The following ACAP2 variants were observed in gnomAD, a reference collection of about 807,000 sequenced individuals.
The protein encoded by ACAP2 is arf-GAP with coiled-coil, ANK repeat and PH domain-containing protein 2.
ACAP2 carries 39 observed loss-of-function variants against 115.8 expected under a neutral mutation model. The observed-to-expected ratio is 0.34, with a 90% CI of 0.26 to 0.44. The LOEUF (loss-of-function observed/expected upper bound fraction) is 0.44, where lower values mean the gene tolerates loss of function less well. Ranked by LOEUF, ACAP2 falls within the 20% of genes least tolerant of loss-of-function variation. ACAP2 has a pLI of 1.00. For synonymous variants in ACAP2, 289 were observed against 315.8 expected (o/e 0.92, Z 0.90); for missense variants, 662 against 927.6 (o/e 0.71, Z 3.72).
chr3:195,381,783 C>T (rs752352176), intron 3 of ACAP2, 120 bp downstream of exon 3: 7 of 1,227,180 alleles, frequency 5.7e-6, no homozygotes, highest in Non-Finnish European at 7.9e-6. Flanking sequence ...GGGGTGACCA[C>T]TTTTCTACTT....
intron 15 of ACAP2, 33 bp downstream of exon 15, chr3:195,301,540 AAT>A (rs750343971): frequency 1.1e-5 from 16 of 1,455,414 alleles, no homozygotes; most frequent in Non-Finnish European, 2.9e-6. Context: ...TTCATGTGAA[AAT>A]ATGAAATATT....
chr3:195,373,964 A>C (rs1277361036), intron 4 of ACAP2, among the ~76,000 whole-genome samples: 1 of 152,204 alleles, frequency 6.6e-6, no homozygotes, highest in African/African-American at 2.4e-5. Context: ...AGAATGTGGA[A>C]ACATGAGGCT....
At chr3:195,372,901 C>G (rs78302312) in intron 4 of ACAP2, among the ~76,000 whole-genome samples, 1 of 146,328 alleles carries the variant, frequency 6.8e-6, no homozygotes, top group Non-Finnish European at 1.5e-5. Flanking sequence ...TAATAATAAA[C>G]AGCATGAACC....
chr3:195,351,240 C>A (rs1030340873), intron 4 of ACAP2, among the ~76,000 whole-genome samples: 7 of 151,624 alleles, frequency 4.6e-5, no homozygotes, highest in Non-Finnish European at 2.9e-5. Flanking sequence ...GCCTCAGCCT[C>A]CCAAGCAGCT....
chr3:195,296,035 A>T lies in ACAP2; in HGVS notation c.1488-143T>A, dbSNP rs993232189. 6 of 626,820 alleles carry T rather than the reference A, an allele frequency of 9.6e-6. No homozygotes were observed. The African/African-American group carries it at 1.1e-4, about 12-fold the overall frequency. The allele number at this position is 626,820 out of a possible 1,614,324, so 38.8% of individuals were successfully genotyped here. A position where few individuals can be genotyped will look rare whatever the true frequency, so the allele number is the denominator to read the frequency against. The stretch of plus-strand genomic sequence containing the variant: ...AAACTGAATCTGTGACATTATACAT[A>T]TATATATTATGTTTCCCTTCCAAAT... On this transcript the variant is annotated intron_variant, in intron 16 of 22. Coordinates refer to ENST00000326793, the MANE Select transcript of ACAP2 (RefSeq NM_012287.6).
intron 10 of ACAP2, among the ~76,000 whole-genome samples, chr3:195,311,555 G>C (rs565654128): frequency 6.6e-6 from 1 of 152,228 alleles, no homozygotes; most frequent in East Asian, 1.9e-4. Flanking sequence ...TTTTGTTTTT[G>C]AGATGGAGTC....
chr3:195,357,411 G>A (rs1031403299), intron 4 of ACAP2, among the ~76,000 whole-genome samples: 18 of 152,122 alleles, frequency 1.2e-4, no homozygotes, highest in African/African-American at 4.1e-4. Context: ...CACCCCGAAG[G>A]GAAATACACA....
intron 1 of ACAP2, among the ~76,000 whole-genome samples, chr3:195,437,810 G>C (rs1409672923): frequency 7.2e-5 from 6 of 83,222 alleles, no homozygotes; most frequent in African/African-American, 3.2e-4. Context: ...GTGAGACTCT[G>C]TCTCAAAAAA....
At chr3:195,432,576 G>A (rs930803321) in intron 1 of ACAP2, among the ~76,000 whole-genome samples, 1 of 152,082 alleles carries the variant, frequency 6.6e-6, no homozygotes, top group Non-Finnish European at 1.5e-5. Flanking sequence ...GTACTACACC[G>A]TCTTCATTAC....
At position 195,289,120 on chromosome 3, in the gene ACAP2, C is replaced by G. The variant is rs1255023363; in HGVS notation, c.2174+1G>C. 1.9e-6 allele frequency: 3 copies of G among 1,603,404 alleles called. No individual in the cohort carries two copies. Among genetic ancestry groups the G allele is most frequent in the Non-Finnish European group, 2.6e-6 (3 of 1,176,024 alleles). On this transcript the variant is annotated splice_donor_variant, in intron 21 of 22. Transcript: ENST00000326793. LOFTEE classifies it high-confidence loss of function. ...TAGTCAAGTAAAAAGGAAGTACTTA[C>G]AAGGTGACTATATCAGCATTGGCTG...
intron 1 of ACAP2, among the ~76,000 whole-genome samples, chr3:195,411,972 T>A (rs1577438258): frequency 6.6e-6 from 1 of 150,890 alleles, no homozygotes; most frequent in Non-Finnish European, 1.5e-5. Context: ...AAGGATTATA[T>A]CATCACTTAC....
intron 4 of ACAP2, 97 bp downstream of exon 4, chr3:195,380,912 T>C (rs1252251276): frequency 4.6e-6 from 5 of 1,077,874 alleles, no homozygotes; most frequent in African/African-American, 3.2e-5. Context: ...ATCAAAGCCA[T>C]GTAATTCCCT....
At chr3:195,347,317 C>T (rs1424216214) in intron 4 of ACAP2, among the ~76,000 whole-genome samples, 1 of 151,958 alleles carries the variant, frequency 6.6e-6, no homozygotes, top group African/African-American at 2.4e-5. Flanking sequence ...TATAGTAGGG[C>T]ATCAAGCAAC....
At chr3:195,397,987 A>T (rs1711944118) in intron 1 of ACAP2, among the ~76,000 whole-genome samples, 2 of 152,238 alleles carry the variant, frequency 1.3e-5, no homozygotes, top group Non-Finnish European at 2.9e-5. Context: ...TTCCTTTAAG[A>T]GAAAACACTT....
At chr3:195,378,765 G>A (rs529648076) in intron 4 of ACAP2, among the ~76,000 whole-genome samples, 1 of 150,958 alleles carries the variant, frequency 6.6e-6, no homozygotes, top group Non-Finnish European at 1.5e-5. Context: ...GGAGGCTGAG[G>A]CAAGAGAATC....
At chr3:195,436,278 G>T (rs964038324) in intron 1 of ACAP2, among the ~76,000 whole-genome samples, 3 of 151,784 alleles carry the variant, frequency 2.0e-5, no homozygotes, top group African/African-American at 4.8e-5. Context: ...ACAGACATGT[G>T]CCACCATGCC....
intron 11 of ACAP2, among the ~76,000 whole-genome samples, chr3:195,308,273 A>G (rs962031837): frequency 1.3e-5 from 2 of 151,482 alleles, no homozygotes; most frequent in African/African-American, 4.8e-5. Context: ...CATCTTCAAA[A>G]TAGTGCTATG....
chr3:195,387,061 A>C (rs898122827), intron 2 of ACAP2, among the ~76,000 whole-genome samples: 1 of 152,190 alleles, frequency 6.6e-6, no homozygotes, highest in African/African-American at 2.4e-5. Context: ...GTCATACAGC[A>C]GAACCACATA....
At chr3:195,436,587 C>T (rs1313531407) in intron 1 of ACAP2, among the ~76,000 whole-genome samples, 1 of 152,002 alleles carries the variant, frequency 6.6e-6, no homozygotes, top group Non-Finnish European at 1.5e-5. Context: ...ATGTCTCTTC[C>T]TAAATACCAT....
Sources: gnomAD v4.1 joint callset for allele counts (sites outside exome capture counted in the v4.1 genomes callset) on GRCh38, gnomAD v4.1.1 for gene constraint, MANE v1.5 for transcripts, NCBI Gene and HGNC (gene_info 2026-07-23, HGNC 2026-07-21) for gene names.